MIB1: variants seen among roughly 807,000 people sequenced by gnomAD.
The protein encoded by MIB1 is MIB E3 ubiquitin protein ligase 1, also known as E3 ubiquitin-protein ligase MIB1.
MIB1 carries 278 observed loss-of-function variants against 124.5 expected under a neutral mutation model. The observed-to-expected ratio is 2.23, with a 90% CI of 2.02 to 2.47. The LOEUF is 2.47. Among genes scored for constraint, MIB1 ranks in the 30% most tolerant of loss-of-function variants. MIB1 has a pLI of 0.00. For missense variants in MIB1, 957 were observed against 1,254.4 expected (o/e 0.76, Z 3.58); for synonymous variants, 446 against 429.4 (o/e 1.04, Z -0.48).
chr18:21,821,823 G>A (rs548719607), intron 12 of MIB1, among the ~76,000 whole-genome samples: 68 of 152,052 alleles, frequency 4.5e-4, no homozygotes, highest in Admixed American at 3.2e-3. Context: ...GGATGGTCTC[G>A]ATCTCCTGAC....
chr18:21,864,493 T>C lies in MIB1; in HGVS notation c.2881-33T>C, dbSNP rs1229001542. 2.6e-6 allele frequency: 4 copies of C among 1,542,344 alleles called. No individual in the cohort carries two copies. In the African/African-American group the frequency reaches 5.4e-5, roughly 21 times the overall value. ...TCTGTCACTTTCCAAATATAAAGTG[T>C]CTAATTTATTACTTTGTTATCTCAC... On this transcript the variant is annotated intron_variant, in intron 20 of 20. Transcript: ENST00000261537.
intron 10 of MIB1, among the ~76,000 whole-genome samples, chr18:21,809,922 A>G (rs960153499): frequency 2.0e-5 from 3 of 152,132 alleles, no homozygotes; most frequent in Non-Finnish European, 4.4e-5. Flanking sequence ...AAGAAAAGAC[A>G]TCCGAATTGG....
intron 12 of MIB1, chr18:21,826,557 A>G (rs955093686): frequency 1.3e-5 from 2 of 152,070 alleles, no homozygotes; most frequent in Non-Finnish European, 2.9e-5. Context: ...TTAGTAATAC[A>G]TGGTGGTTAG....
chr18:21,719,597 T>C (rs2040705293), intron 1 of MIB1, among the ~76,000 whole-genome samples: 1 of 150,634 alleles, frequency 6.6e-6, no homozygotes, highest in African/African-American at 2.4e-5. Context: ...TGGGTATACG[T>C]CACCACGCTG....
At chr18:21,722,340 C>T (rs1184930005) in intron 1 of MIB1, among the ~76,000 whole-genome samples, 1 of 151,718 alleles carries the variant, frequency 6.6e-6, no homozygotes, top group African/African-American at 2.4e-5. Context: ...AGGCATGAGC[C>T]ACCACGCCCG....
In MIB1 at chr18:21,865,468, T is replaced by G. The variant is rs1211699338; in HGVS notation, c.*802T>G. ...TACATTAATTTATACACTATTTTGT[T>G]CAGCCAGTGTTTTTAAAAAAAATCT... On this transcript the variant is annotated 3_prime_UTR_variant, in exon 21 of 21. Transcript: ENST00000261537. 1 of 152,244 alleles carries G rather than the reference T, an allele frequency of 6.6e-6. No homozygotes were observed. The highest frequency in any genetic ancestry group is 1.5e-5 in the Non-Finnish European group (1 of 68,024). The allele number at this position is 152,244 out of a possible 1,614,324, so 9.4% of individuals were successfully genotyped here.
chr18:21,768,353 C>A (rs1033413362), intron 2 of MIB1, among the ~76,000 whole-genome samples: 20 of 152,112 alleles, frequency 1.3e-4, no homozygotes, highest in Non-Finnish European at 5.9e-5. Context: ...AGGAGTGTAA[C>A]ACACTTTACT....
At position 21,866,289 on chromosome 18, in the gene MIB1, A is replaced by G. The variant is rs1239476609; in HGVS notation, c.*1623A>G. 1 of 152,206 alleles carries G rather than the reference A, an allele frequency of 6.6e-6. No individual in the cohort carries two copies. Among genetic ancestry groups the G allele is most frequent in the Non-Finnish European group, 1.5e-5 (1 of 68,034 alleles). The allele number at this position is 152,206 out of a possible 1,614,324, so 9.4% of individuals were successfully genotyped here. A position where few individuals can be genotyped will look rare whatever the true frequency, so the allele number is the denominator to read the frequency against. On this transcript the variant is annotated 3_prime_UTR_variant, in exon 21 of 21. Coordinates refer to ENST00000261537, the MANE Select transcript of MIB1 (RefSeq NM_020774.4). Reference sequence around the variant, plus strand: ...GCTGGCTGGTTTTGTAGTCTCAACAATTCCATGTCTGTGTTTAGCTGAGTA... The same window carrying G: ...GCTGGCTGGTTTTGTAGTCTCAACAGTTCCATGTCTGTGTTTAGCTGAGTA...
At chr18:21,824,503 G>A (rs909447915) in intron 12 of MIB1, among the ~76,000 whole-genome samples, 6 of 152,020 alleles carry the variant, frequency 3.9e-5, no homozygotes, top group Non-Finnish European at 8.8e-5. Flanking sequence ...GAGTCTATTC[G>A]GTAATAGGAT....
At chr18:21,861,627 A>G (rs1323903390) in intron 20 of MIB1, among the ~76,000 whole-genome samples, 3 of 151,144 alleles carry the variant, frequency 2.0e-5, no homozygotes, top group African/African-American at 4.8e-5. Flanking sequence ...GGGATTTCTT[A>G]TAGGGACTCC....
At position 21,815,691 on chromosome 18, in the gene MIB1, G is replaced by A. The variant is rs1359066375; in HGVS notation, c.1555G>A (p.Gly519Ser). 6.2e-7 allele frequency: 1 copy of A among 1,614,038 alleles called. No homozygotes were observed. The highest frequency in any genetic ancestry group is 8.5e-7 in the Non-Finnish European group (1 of 1,179,926). Residue 519 changes from glycine (G) to serine (S), a missense_variant, in exon 11 of 21, where the codon GGT (glycine) becomes AGT (serine). Physicochemically the swap from Gly to Ser is moderately conservative, Grantham distance 56. Transcript: ENST00000261537. The stretch of plus-strand genomic sequence containing the variant: ...CGCTGTTATAGAAGTACTACATCGA[G>A]GTAGTGCTGATTTGAATGCTCGAAA... ...EGAVIEVLHR[G>S]SADLNARNKR...
At chr18:21,859,886 C>CA (rs934260189) in intron 20 of MIB1, among the ~76,000 whole-genome samples, 3,173 of 27,352 alleles carry the variant, frequency 0.12, 223 homozygotes, top group East Asian at 0.22. Flanking sequence ...GAGACTGTCT[C>CA]AAAAAAAAAA....
At chr18:21,779,763 T>G in intron 6 of MIB1, 78 bp downstream of exon 6, 1 of 1,158,464 alleles carries the variant, frequency 8.6e-7, no homozygotes, top group Non-Finnish European at 1.3e-6. Context: ...GCAAATAAAG[T>G]GATACAACCA....
intron 17 of MIB1, among the ~76,000 whole-genome samples, chr18:21,850,793 G>A (rs571853288): frequency 1.3e-5 from 2 of 152,204 alleles, no homozygotes; most frequent in African/African-American, 4.8e-5. Context: ...TTTATAATTC[G>A]CTTTAGCTAC....
chr18:21,775,107 G>A (rs753802748), intron 4 of MIB1, among the ~76,000 whole-genome samples: 4 of 151,376 alleles, frequency 2.6e-5, no homozygotes, highest in African/African-American at 9.7e-5. Context: ...CACCACGCCC[G>A]GCTCATTTTT....
chr18:21,770,782 A>C (rs933142064), intron 3 of MIB1, among the ~76,000 whole-genome samples: 8 of 152,180 alleles, frequency 5.3e-5, no homozygotes, highest in Non-Finnish European at 1.0e-4. Flanking sequence ...TAGTATAATA[A>C]ATTCCCATGC....
intron 1 of MIB1, among the ~76,000 whole-genome samples, chr18:21,719,368 A>T (rs2040703987): frequency 6.6e-6 from 1 of 152,070 alleles, no homozygotes; most frequent in Non-Finnish European, 1.5e-5. Flanking sequence ...AAATCATATA[A>T]GTCGGTAATT....
At position 21,867,006 on chromosome 18, in the gene MIB1, A is replaced by T. The variant is rs1449834430; in HGVS notation, c.*2340A>T. 1 of 152,614 alleles carries T rather than the reference A, an allele frequency of 6.6e-6. No homozygotes were observed. The allele number at this position is 152,614 out of a possible 1,614,324, so 9.5% of individuals were successfully genotyped here. ...CTCTTATTATATGTCCCTTAGCAGTACTTTTCCAGTTAGGTTCGTTACCCT... is the reference window on the plus strand; with the variant it reads ...CTCTTATTATATGTCCCTTAGCAGTTCTTTTCCAGTTAGGTTCGTTACCCT... On this transcript the variant is annotated 3_prime_UTR_variant, in exon 21 of 21. Coordinates refer to ENST00000261537, the MANE Select transcript of MIB1 (RefSeq NM_020774.4).
intron 6 of MIB1, among the ~76,000 whole-genome samples, chr18:21,789,739 C>A (rs932717479): frequency 1.3e-5 from 2 of 152,000 alleles, no homozygotes; most frequent in Non-Finnish European, 2.9e-5. Flanking sequence ...ATTGCTTGAA[C>A]CTGGGTAACA....
Sources: gnomAD v4.1 joint callset for allele counts (sites outside exome capture counted in the v4.1 genomes callset) on GRCh38, gnomAD v4.1.1 for gene constraint, MANE v1.5 for transcripts, NCBI Gene and HGNC (gene_info 2026-07-23, HGNC 2026-07-21) for gene names.